Variants in CFAP263 observed in about 807,000 individuals in gnomAD.
CFAP263 encodes cilia and flagella associated protein 263.
At chr16:58,270,419 C>T in the CFAP263 span, among the ~76,000 whole-genome samples, 1 of 151,876 alleles carries the variant, frequency 6.6e-6, no homozygotes, top group East Asian at 1.9e-4. Flanking sequence ...AGGGTTATAT[C>T]GGTACTCGAA....
At chr16:58,272,118 C>CTGACCTCATG in the CFAP263 span, among the ~76,000 whole-genome samples, 1 of 151,702 alleles carries the variant, frequency 6.6e-6, no homozygotes, top group Non-Finnish European at 1.5e-5. Flanking sequence ...GGGTTCACGC[C>CTGACCTCATG]ATTCTCCTGC....
the CFAP263 span, among the ~76,000 whole-genome samples, chr16:58,266,342 A>C: frequency 7.0e-6 from 1 of 142,338 alleles, no homozygotes; most frequent in South Asian, 2.2e-4. Context: ...TCACCTAGAC[A>C]TACTGATTCA....
At chr16:58,259,818 G>T in the CFAP263 span, 2 of 1,320,362 alleles carry the variant, frequency 1.5e-6, no homozygotes, top group Admixed American at 1.9e-5. Context: ...GGAGAGAAAT[G>T]GATTAAATGC....
At chr16:58,258,299 G>A in the CFAP263 span, 19 of 1,464,164 alleles carry the variant, frequency 1.3e-5, no homozygotes, top group South Asian at 1.4e-4. Flanking sequence ...GGGAACTTAG[G>A]TTTTCTTAGA....
At chr16:58,267,483 A>G in the CFAP263 span, 1 of 1,610,186 alleles carries the variant, frequency 6.2e-7, no homozygotes, top group Non-Finnish European at 8.5e-7. Flanking sequence ...TTTCAGAGCA[A>G]GCTTCACAAG....
chr16:58,251,514 C>G, the CFAP263 span, among the ~76,000 whole-genome samples: 35 of 152,298 alleles, frequency 2.3e-4, no homozygotes, highest in African/African-American at 8.4e-4. Flanking sequence ...GCCTCAGACC[C>G]CTGAATAGCT....
chr16:58,273,428 A>C, the CFAP263 span, among the ~76,000 whole-genome samples: 1 of 152,002 alleles, frequency 6.6e-6, no homozygotes, highest in African/African-American at 2.4e-5. Context: ...CTACAAGTTT[A>C]CTGATGCTTT....
At chr16:58,279,893 C>T in the CFAP263 span, 4 of 836,022 alleles carry the variant, frequency 4.8e-6, no homozygotes. Context: ...CAACCCCCCA[C>T]CCAGGCTGCG....
At chr16:58,272,571 A>T in the CFAP263 span, among the ~76,000 whole-genome samples, 1 of 152,242 alleles carries the variant, frequency 6.6e-6, no homozygotes, top group Non-Finnish European at 1.5e-5. Context: ...ATATCTAAAC[A>T]TAGAAAAGGT....
chr16:58,264,919 G>A, the CFAP263 span, among the ~76,000 whole-genome samples: 1 of 152,222 alleles, frequency 6.6e-6, no homozygotes, highest in East Asian at 1.9e-4. Flanking sequence ...TGGGCTGAGT[G>A]CTAAGGGTAC....
At chr16:58,262,763 G>GTAGGTAGA in the CFAP263 span, among the ~76,000 whole-genome samples, 116 of 78,510 alleles carry the variant, frequency 1.5e-3, no homozygotes, top group African/African-American at 5.0e-3. Context: ...TAGATGATAG[G>GTAGGTAGA]TAGATAGATA....
At chr16:58,264,883 A>G in the CFAP263 span, among the ~76,000 whole-genome samples, 1 of 152,252 alleles carries the variant, frequency 6.6e-6, no homozygotes, top group Non-Finnish European at 1.5e-5. Context: ...TACCAAAAGT[A>G]CCAATACCTC....
the CFAP263 span, among the ~76,000 whole-genome samples, chr16:58,255,182 C>T: frequency 1.3e-5 from 2 of 152,170 alleles, no homozygotes; most frequent in African/African-American, 2.4e-5. Flanking sequence ...GGCCCTAGAG[C>T]CCCCAGGAAG....
chr16:58,258,403 A>G, the CFAP263 span: 3 of 1,614,044 alleles, frequency 1.9e-6, no homozygotes, highest in Non-Finnish European at 2.5e-6. Context: ...GATGGAGTGA[A>G]GTTTCGAGAG....
chr16:58,260,834 A>G, the CFAP263 span, among the ~76,000 whole-genome samples: 2 of 152,178 alleles, frequency 1.3e-5, no homozygotes, highest in Non-Finnish European at 2.9e-5. Context: ...GCTGGGACAG[A>G]TTTAACAGCA....
the CFAP263 span, among the ~76,000 whole-genome samples, chr16:58,276,001 A>G: frequency 6.6e-6 from 1 of 152,240 alleles, no homozygotes; most frequent in Non-Finnish European, 1.5e-5. Flanking sequence ...TTTTTTGCAT[A>G]GCAAAAATGA....
the CFAP263 span, chr16:58,281,108 C>T: frequency 4.2e-6 from 1 of 239,462 alleles, no homozygotes; most frequent in Non-Finnish European, 8.2e-6. Flanking sequence ...TCCTGAAATG[C>T]TCACATTTTC....
the CFAP263 span, chr16:58,259,997 A>G: frequency 3.7e-6 from 4 of 1,081,134 alleles, no homozygotes; most frequent in Middle Eastern, 4.0e-4. Flanking sequence ...AGGCTGAATA[A>G]GGTTCCCACC....
At chr16:58,270,012 T>TA in the CFAP263 span, among the ~76,000 whole-genome samples, 2 of 152,220 alleles carry the variant, frequency 1.3e-5, no homozygotes, top group Non-Finnish European at 2.9e-5. Context: ...CTCAGTTTTT[T>TA]AAAAAAATGC....
Sources: allele counts gnomAD v4.1 joint callset (sites outside exome capture counted in the v4.1 genomes callset), GRCh38; gene constraint gnomAD v4.1.1; transcripts MANE v1.5; gene names NCBI Gene and HGNC (gene_info 2026-07-23, HGNC 2026-07-21).